SRP54: variants seen among roughly 807,000 people sequenced by gnomAD.
SRP54 encodes signal recognition particle 54, also known as signal recognition particle subunit SRP54.
A neutral mutation model predicts 64.8 loss-of-function variants in SRP54; 10 were observed. The observed-to-expected ratio is 0.15, with a 90% CI of 0.10 to 0.26. The LOEUF (loss-of-function observed/expected upper bound fraction) is 0.26. SRP54 is among the 10% of genes least tolerant of loss of function. The pLI, the probability that SRP54 is intolerant of heterozygous loss-of-function variation, is 1.00. For missense variants in SRP54, 325 were observed against 613.7 expected, an observed-to-expected ratio of 0.53 and a Z score of 4.97; for synonymous variants, 193 against 185.6, an observed-to-expected ratio of 1.04 and a Z score of -0.32.
At chr14:35,024,688 A>T (rs2044593193) in intron 14 of SRP54, among the ~76,000 whole-genome samples, 1 of 149,936 alleles carries the variant, frequency 6.7e-6, no homozygotes, top group African/African-American at 2.5e-5. Flanking sequence ...TACAGAGGTA[A>T]TCAAGTTAAC....
chr14:34,987,244 A>ATATATAT (rs200304562), intron 1 of SRP54, among the ~76,000 whole-genome samples: 75 of 106,810 alleles, frequency 7.0e-4, no homozygotes, highest in African/African-American at 2.9e-3. Context: ...AAAAAAAAAA[A>ATATATAT]AAATATATAT....
At chr14:34,998,828 A>C (rs1359907268) in intron 2 of SRP54, among the ~76,000 whole-genome samples, 3 of 151,910 alleles carry the variant, frequency 2.0e-5, no homozygotes, top group Non-Finnish European at 1.5e-5. Flanking sequence ...TTCCAAAAAA[A>C]AAAAAGAAAA....
intron 8 of SRP54, 100 bp downstream of exon 8, chr14:35,011,759 G>A: frequency 9.5e-7 from 1 of 1,055,990 alleles, no homozygotes; most frequent in Non-Finnish European, 1.3e-6. Context: ...CTTTGCCTGT[G>A]AGGCAGATCC....
At position 35,007,345 on chromosome 14, in the gene SRP54, T is replaced by A. The variant is rs374057335; in HGVS notation, c.318T>A (p.Phe106Leu). Residue 106 changes from phenylalanine (F) to leucine (L), a missense_variant, in exon 5 of 16, where the codon TTT becomes TTA. By Grantham distance (22) the Phe-to-Leu change is conservative. Around this residue, in one of 3 missense-constraint regions of SRP54, gnomAD observed 156 missense variants for 254.6 expected, o/e 0.61. Transcript: ENST00000216774. ...AAGGAAAACAAAATGTGATTATGTT[T>A]GTTGGATTGCAAGGGAGTGGTAAAA... Reference protein sequence around the residue: ...PTKGKQNVIMFVGLQGSGKTT... With the variant: ...PTKGKQNVIMLVGLQGSGKTT... The A allele has an allele frequency of 3.1e-6, 5 of 1,596,590 alleles. No homozygotes were observed. Among genetic ancestry groups the A allele is most frequent in the Non-Finnish European group, 4.3e-6 (5 of 1,168,036 alleles).
In SRP54 at chr14:35,007,277, AT is replaced by A; in HGVS notation, c.256-3del. ...ATTTTATTTTTAATTTATTTTTGGT[AT>A]TTAGCTTGTAGACCCTGGAGTTAAG... On this transcript the variant is annotated splice_polypyrimidine_tract_variant and splice_region_variant and intron_variant, in intron 4 of 15. Transcript: ENST00000216774. The A allele has an allele frequency of 1.3e-6, 2 of 1,548,902 alleles. No individual in the cohort carries two copies. Among genetic ancestry groups the A allele is most frequent in the South Asian group, 1.2e-5 (1 of 83,606 alleles).
In SRP54 at chr14:34,999,032, T is replaced by G. The variant is rs113961592; in HGVS notation, c.79-526T>G. 3.2e-3 allele frequency among the ~76,000 whole-genome samples: 298 copies of G among 93,464 alleles called. 6 individuals are homozygous for G. Among genetic ancestry groups the G allele is most frequent in the South Asian group, 8.9e-3 (23 of 2,586 alleles). The allele number at this position is 93,464 out of a possible 152,430, so 61.3% of individuals were successfully genotyped here. ...GTGTGTGGTTTTTTTTTTTTTTTTT[T>G]GAGACAAAGTCTCACTCTGTCACCC... On this transcript the variant is annotated intron_variant, in intron 2 of 15. Transcript: ENST00000216774.
intron 1 of SRP54, among the ~76,000 whole-genome samples, chr14:34,985,021 T>C (rs954286115): frequency 1.2e-4 from 18 of 151,838 alleles, no homozygotes. Context: ...GTGATACAAG[T>C]AGGTTAAATT....
At chr14:34,998,247 T>G (rs944521393) in intron 2 of SRP54, among the ~76,000 whole-genome samples, 7 of 152,172 alleles carry the variant, frequency 4.6e-5, no homozygotes, top group Non-Finnish European at 8.8e-5. Context: ...GTGAACAAAA[T>G]AGACTAAAAT....
intron 3 of SRP54, 103 bp from the exon 4 acceptor site, chr14:35,000,833 A>G: frequency 2.0e-6 from 1 of 506,676 alleles, no homozygotes; most frequent in East Asian, 3.3e-5. Context: ...ATTAATATGA[A>G]TGACTGAATG....
chr14:35,010,993 A>G (rs143008105), intron 7 of SRP54, among the ~76,000 whole-genome samples: 227 of 152,234 alleles, frequency 1.5e-3, no homozygotes, highest in African/African-American at 5.1e-3. Context: ...TTGCATGATC[A>G]TAAGCTCACT....
chr14:35,022,695 A>G (rs1013221431), intron 13 of SRP54, among the ~76,000 whole-genome samples: 2 of 152,170 alleles, frequency 1.3e-5, no homozygotes, highest in African/African-American at 2.4e-5. Flanking sequence ...AACATAGCGA[A>G]TGTTAACATT....
At chr14:35,007,416 CATATG>C in intron 5 of SRP54, 29 bp downstream of exon 5, 1 of 1,448,440 alleles carries the variant, frequency 6.9e-7, no homozygotes, top group South Asian at 1.3e-5. Context: ...AAAAAGAAGT[CATATG>C]GAAGATAGGT....
chr14:35,007,153 A>G (rs1473076559), intron 4 of SRP54, 130 bp from the exon 5 acceptor site: 1 of 451,824 alleles, frequency 2.2e-6, no homozygotes, highest in Admixed American at 3.5e-5. Flanking sequence ...TGATTATGCC[A>G]CTGCACTCCA....
chr14:34,995,133 GGGTGT>G (rs2044047422), intron 1 of SRP54, among the ~76,000 whole-genome samples: 1 of 64,444 alleles, frequency 1.6e-5, no homozygotes, highest in Non-Finnish European at 3.1e-5. Flanking sequence ...AATCAATAAA[GGGTGT>G]GTGTGTGTGT....
Position 34,996,685 on chromosome 14 carries a change from G to T in SRP54, c.-25G>T. ...TTTTTTTTCTGCTGTAGAGTTCTTC[G>T]TAAGTACATCTTAAAGCTGTCAAGA... On this transcript the variant is annotated 5_prime_UTR_variant, in exon 2 of 16. Transcript: ENST00000216774. 6.4e-7 allele frequency: 1 copy of T among 1,566,310 alleles called. No individual in the cohort carries two copies. The highest frequency in any genetic ancestry group is 8.8e-7 in the Non-Finnish European group (1 of 1,136,736).
intron 3 of SRP54, 78 bp downstream of exon 3, chr14:34,999,727 T>C (rs913315196): frequency 5.7e-6 from 6 of 1,049,756 alleles, no homozygotes; most frequent in Non-Finnish European, 5.9e-6. Flanking sequence ...TGGAAGTGTT[T>C]GCTGTATCAG....
chr14:34,996,866 G>C, intron 2 of SRP54, 79 bp downstream of exon 2: 2 of 997,848 alleles, frequency 2.0e-6, no homozygotes, highest in Non-Finnish European at 1.6e-6. Flanking sequence ...CATAATCCCT[G>C]TATTTATATG....
intron 3 of SRP54, among the ~76,000 whole-genome samples, chr14:35,000,209 G>A (rs1217104946): frequency 2.6e-5 from 4 of 152,278 alleles, no homozygotes; most frequent in Non-Finnish European, 5.9e-5. Flanking sequence ...CCATGCTTTA[G>A]ACATCTCTCC....
At position 35,024,662 on chromosome 14, in the gene SRP54, CTT is replaced by C. The variant is rs11325224; in HGVS notation, c.1327+1593_1327+1594del. Among the ~76,000 whole-genome samples, 347 of 144,770 alleles carry C rather than the reference CTT, an allele frequency of 2.4e-3. 1 individual carries two copies. Among genetic ancestry groups the C allele is most frequent in the African/African-American group, 7.7e-3 (305 of 39,526 alleles). 95.0% of individuals were successfully genotyped at this position (144,770 alleles called of 152,430 possible). Reference sequence around the variant, plus strand: ...ACAGCTTCCCCTTGTTTATTTTTTCCTTTTTTTTTTTTCTTTACAGAGGTAAT... The same window carrying C: ...ACAGCTTCCCCTTGTTTATTTTTTCCTTTTTTTTTTCTTTACAGAGGTAAT... On this transcript the variant is annotated intron_variant, in intron 14 of 15. Coordinates refer to ENST00000216774, the MANE Select transcript of SRP54 (RefSeq NM_003136.4).
Sources: gnomAD v4.1 joint callset for allele counts (sites outside exome capture counted in the v4.1 genomes callset) on GRCh38, gnomAD v4.1.1 for gene constraint, gnomAD v4.1.1 regional missense constraint, MANE v1.5 for transcripts, NCBI Gene and HGNC (gene_info 2026-07-23, HGNC 2026-07-21) for gene names.